Variants in ASGR2 observed in about 807,000 individuals in gnomAD.
ASGR2 encodes asialoglycoprotein receptor 2, also known as C-type lectin domain family 4 member H2.
Under a neutral mutation model 32.3 loss-of-function variants are expected in ASGR2, and 34 were observed. The observed-to-expected ratio is 1.05, with a 90% confidence interval of 0.80 to 1.40. ASGR2 has a LOEUF of 1.40. ASGR2 is among the 40% of genes most tolerant of loss of function. The pLI is 0.00. For missense variants in ASGR2, 385 were observed against 386.4 expected (o/e 1.00, Z 0.03); for synonymous variants, 143 against 150.0 (o/e 0.95, Z 0.34).
At chr17:7,106,024 T>C (rs2151712291) in intron 7 of ASGR2, among the ~76,000 whole-genome samples, 1 of 152,240 alleles carries the variant, frequency 6.6e-6, no homozygotes, top group East Asian at 1.9e-4. Flanking sequence ...CCTGACTTCA[T>C]GATCCGCCCA....
rs1259505164 is a variant in ASGR2, at chr17:7,108,648, G to GC, written c.242-92dup. On this transcript the variant is annotated intron_variant, in intron 3 of 8. Coordinates refer to ENST00000691900, the MANE Select transcript of ASGR2 (RefSeq NM_001201352.2). The surrounding 1 kb of genome is among the most constrained non-coding windows in gnomAD (Gnocchi z 4.9). ...CTGGCCCCTCAATGTCCCCGCATTTGCCCCAGCTTGTGCTCCACCCCGCCT... is the reference window on the plus strand; with the variant it reads ...CTGGCCCCTCAATGTCCCCGCATTTGCCCCCAGCTTGTGCTCCACCCCGCCT... The GC allele has an allele frequency of 5.0e-6, 8 of 1,600,028 alleles. No individual in the cohort carries two copies. In the Admixed American group the frequency reaches 1.3e-4, roughly 27 times the overall value.
intron 2 of ASGR2, among the ~76,000 whole-genome samples, chr17:7,112,078 AGGGGAG>A: frequency 3.8e-5 from 2 of 52,260 alleles, no homozygotes; most frequent in Admixed American, 2.5e-4. Flanking sequence ...AAAGGAGGGG[AGGGGAG>A]GGGGAGGGGA....
At chr17:7,106,035 C>T (rs146244159) in intron 7 of ASGR2, among the ~76,000 whole-genome samples, 2,273 of 152,254 alleles carry the variant, frequency 0.015, 26 homozygotes, top group Non-Finnish European at 0.021. Flanking sequence ...GATCCGCCCA[C>T]CTCGGCCTCC....
chr17:7,107,550 C>T lies in ASGR2; in HGVS notation c.410-233G>A, dbSNP rs969686279. The T allele has an allele frequency of 1.3e-5, 8 of 613,944 alleles. No individual in the cohort carries two copies. The highest frequency in any genetic ancestry group is 5.7e-5 in the East Asian group (2 of 35,026). 38.0% of individuals were successfully genotyped at this position (613,944 alleles called of 1,614,324 possible). ...AGAGACACACCACACACATCACATG[C>T]GTACACACACATATACCATACCGCA... On this transcript the variant is annotated intron_variant, in intron 5 of 8. Coordinates refer to ENST00000691900, the MANE Select transcript of ASGR2 (RefSeq NM_001201352.2). This position sits in a 1 kb window ranked among gnomAD's most constrained non-coding sequence, Gnocchi z 5.0.
chr17:7,111,749 C>T (rs1347508866), intron 2 of ASGR2, among the ~76,000 whole-genome samples: 1 of 151,134 alleles, frequency 6.6e-6, no homozygotes. Flanking sequence ...TAGGGCCAGG[C>T]ACTGTGGATC....
chr17:7,111,467 T>G (rs532075822), intron 2 of ASGR2, among the ~76,000 whole-genome samples: 6 of 151,896 alleles, frequency 4.0e-5, no homozygotes, highest in East Asian at 1.9e-4. Context: ...CCATCCTGGC[T>G]AACATGGTGA....
At position 7,113,295 on chromosome 17, in the gene ASGR2, C is replaced by CAT. The variant is rs919235457; in HGVS notation, c.124+821_124+822insAT. Among the ~76,000 whole-genome samples the CAT allele has an allele frequency of 7.3e-5, 9 of 123,224 alleles. No homozygotes were observed. Among genetic ancestry groups the CAT allele is most frequent in the African/African-American group, 2.9e-4 (9 of 30,956 alleles). 80.8% of individuals were successfully genotyped at this position (123,224 alleles called of 152,430 possible). On this transcript the variant is annotated intron_variant, in intron 2 of 8. Transcript: ENST00000691900. The surrounding 1 kb of genome is among the most constrained non-coding windows in gnomAD (Gnocchi z 5.1). Reference sequence around the variant, plus strand: ...AACTCACCCCACCTCTACACACACACACACACACACATACAATCACATACA... The same window carrying CAT: ...AACTCACCCCACCTCTACACACACACATACACACACACATACAATCACATACA...
intron 7 of ASGR2, among the ~76,000 whole-genome samples, chr17:7,104,388 A>G (rs1230111120): frequency 1.4e-5 from 2 of 145,246 alleles, no homozygotes; most frequent in African/African-American, 2.6e-5. Context: ...GTAGTGGCTC[A>G]TGCCTGTAAT....
chr17:7,109,081 C>T (rs1567767600), intron 2 of ASGR2, among the ~76,000 whole-genome samples, 193 bp from the exon 3 acceptor site: 1 of 151,946 alleles, frequency 6.6e-6, no homozygotes, highest in Non-Finnish European at 1.5e-5. Flanking sequence ...ACCCATATTA[C>T]CATGTATAAA....
At chr17:7,101,890 A>G (rs987402428) in intron 8 of ASGR2, 150 bp from the exon 9 acceptor site, 2 of 1,191,860 alleles carry the variant, frequency 1.7e-6, no homozygotes, top group African/African-American at 3.0e-5. Context: ...CCAACCGCAG[A>G]GAAAGATGTT....
chr17:7,104,209 G>A (rs113287690), intron 7 of ASGR2, among the ~76,000 whole-genome samples: 54 of 152,034 alleles, frequency 3.6e-4, no homozygotes, highest in African/African-American at 1.1e-3. Context: ...TTAGCCAGGC[G>A]TGTTGGCGCA....
chr17:7,111,455 C>G (rs2309665), intron 2 of ASGR2, among the ~76,000 whole-genome samples: 68,516 of 151,732 alleles, frequency 0.45, 15,692 homozygotes, highest in Admixed American at 0.5. Context: ...AGGAGATCGA[C>G]ACCATCCTGG....
In ASGR2 at chr17:7,107,963, C is replaced by T. The variant is rs1914075681; in HGVS notation, c.338-56G>A. The T allele has an allele frequency of 6.2e-7, 1 of 1,602,910 alleles. No homozygotes were observed. Among genetic ancestry groups the T allele is most frequent in the Non-Finnish European group, 8.5e-7 (1 of 1,173,796 alleles). On this transcript the variant is annotated intron_variant, in intron 4 of 8. Transcript: ENST00000691900. The surrounding 1 kb of genome is among the most constrained non-coding windows in gnomAD (Gnocchi z 5.0). ...TGAGCCTCCCTCCGTCCTCATGCTG[C>T]TGGGGGACCGGGGGCCAGCGCCTCG...
intron 7 of ASGR2, among the ~76,000 whole-genome samples, chr17:7,105,142 T>TA (rs918833882): frequency 5.9e-5 from 9 of 152,070 alleles, no homozygotes; most frequent in Non-Finnish European, 1.3e-4. Context: ...GCCTATTATT[T>TA]AAAGTTATAC....
rs1915261274 is a variant in ASGR2, at chr17:7,114,742, T to C, written c.-198A>G. 1 of 1,002,036 alleles carries C rather than the reference T, an allele frequency of 1.0e-6. No individual in the cohort carries two copies. Among genetic ancestry groups the C allele is most frequent in the South Asian group, 4.3e-5 (1 of 23,336 alleles). 62.1% of individuals were successfully genotyped at this position (1,002,036 alleles called of 1,614,324 possible). A position where few individuals can be genotyped will look rare whatever the true frequency, so the allele number is the denominator to read the frequency against. On this transcript the variant is annotated 5_prime_UTR_variant, in exon 1 of 9. Transcript: ENST00000691900. This position sits in a 1 kb window ranked among gnomAD's most constrained non-coding sequence, Gnocchi z 4.5. ...GGGGAGAGGAGAGTGGAGGAGGGGC[T>C]GGTCCGGGCAAGGCCTGCACTGGAG... is the stretch of plus-strand genomic sequence containing the variant.
intron 7 of ASGR2, among the ~76,000 whole-genome samples, chr17:7,102,812 G>C (rs1032916899): frequency 6.6e-6 from 1 of 152,184 alleles, no homozygotes; most frequent in African/African-American, 2.4e-5. Flanking sequence ...CCACTGCCCA[G>C]GGCCCCATTA....
chr17:7,110,858 A>G (rs890909697), intron 2 of ASGR2, among the ~76,000 whole-genome samples: 2 of 152,162 alleles, frequency 1.3e-5, no homozygotes, highest in Admixed American at 6.6e-5. Context: ...AGAAGCAAAC[A>G]ACAGGAACCC....
At chr17:7,114,965 T>C, upstream of ASGR2, 2 of 985,456 alleles carry the variant, frequency 2.0e-6, no homozygotes, top group Non-Finnish European at 2.4e-6. This position sits in a 1 kb window ranked among gnomAD's most constrained non-coding sequence, Gnocchi z 4.5. Context: ...TTGCACCATT[T>C]GGAAGGGGTG....
In ASGR2 at chr17:7,113,498, CAA is replaced by C. The variant is rs1489796980; in HGVS notation, c.124+617_124+618del. ...ACAATACACACACACAACACACACA[CAA>C]CATACACAACGTACACACACACAAC... On this transcript the variant is annotated intron_variant, in intron 2 of 8. Coordinates refer to ENST00000691900, the MANE Select transcript of ASGR2 (RefSeq NM_001201352.2). The surrounding 1 kb of genome is among the most constrained non-coding windows in gnomAD (Gnocchi z 5.1). Among the ~76,000 whole-genome samples, 1 of 149,336 alleles carries C rather than the reference CAA, an allele frequency of 6.7e-6. No individual in the cohort carries two copies. Among genetic ancestry groups the C allele is most frequent in the East Asian group, 2.0e-4 (1 of 5,100 alleles).
Sources: allele counts gnomAD v4.1 joint callset (sites outside exome capture counted in the v4.1 genomes callset), GRCh38; gene constraint gnomAD v4.1.1; non-coding constraint Gnocchi (gnomAD v3.1); transcripts MANE v1.5; gene names NCBI Gene and HGNC (gene_info 2026-07-23, HGNC 2026-07-21).